ANKRD36B: variants seen among roughly 807,000 people sequenced by gnomAD.
The protein encoded by ANKRD36B is ankyrin repeat domain 36B, also known as ankyrin repeat domain-containing protein 36B.
A neutral mutation model predicts 135.7 loss-of-function variants in ANKRD36B; 37 were observed. The ratio of observed to expected loss-of-function variants is 0.27; its 90% confidence interval spans 0.21 to 0.36. ANKRD36B has a LOEUF of 0.36. Ranked by LOEUF, ANKRD36B falls within the 10% of genes least tolerant of loss-of-function variation. ANKRD36B has a pLI of 1.00. For synonymous variants in ANKRD36B, 179 were observed against 348.1 expected, an observed-to-expected ratio of 0.51 and a Z score of 5.41; for missense variants, 549 against 1,037.1, an observed-to-expected ratio of 0.53 and a Z score of 6.46.
intron 6 of ANKRD36B, among the ~76,000 whole-genome samples, chr2:97,574,265 G>A (rs1028745771): frequency 5.3e-5 from 8 of 152,146 alleles, no homozygotes; most frequent in Non-Finnish European, 8.8e-5. Context: ...AGACATTTAT[G>A]CAGCCAAAAA....
intron 14 of ANKRD36B, among the ~76,000 whole-genome samples, chr2:97,553,666 T>A (rs2080253512): frequency 6.6e-6 from 1 of 151,874 alleles, no homozygotes; most frequent in African/African-American, 2.4e-5. Flanking sequence ...TCATGACAAA[T>A]GCGATCAAAA....
At position 97,544,546 on chromosome 2, in the gene ANKRD36B, T is replaced by C. The variant is rs1175772581; in HGVS notation, c.1682-561A>G. Among the ~76,000 whole-genome samples the C allele has an allele frequency of 9.3e-5, 9 of 96,348 alleles. 3 individuals are homozygous for C. Among genetic ancestry groups the C allele is most frequent in the South Asian group, 4.7e-4 (2 of 4,286 alleles). 63.2% of individuals were successfully genotyped at this position (96,348 alleles called of 152,430 possible). Reference sequence around the variant, plus strand: ...ATGTTTGCTGAAACCTAGTAGCTAATATTCATTATTTCTCACACCCCTGTG... The same window carrying C: ...ATGTTTGCTGAAACCTAGTAGCTAACATTCATTATTTCTCACACCCCTGTG... On this transcript the variant is annotated intron_variant, in intron 24 of 43. Transcript: ENST00000359901.
chr2:97,589,041 CCCG>C (rs1165667022), intron 1 of ANKRD36B, among the ~76,000 whole-genome samples: 1 of 107,470 alleles, frequency 9.3e-6, no homozygotes, highest in Non-Finnish European at 1.9e-5. Context: ...GGTGCTCGCC[CCCG>C]CCAAGGTTTC....
Position 97,536,462 on chromosome 2 carries a change from A to G in ANKRD36B, c.2118+6T>C. 1 of 898,436 alleles carries G rather than the reference A, an allele frequency of 1.1e-6. No homozygotes were observed. The highest frequency in any genetic ancestry group is 1.3e-5 in the South Asian group (1 of 78,280). The allele number at this position is 898,436 out of a possible 1,614,324, so 55.7% of individuals were successfully genotyped here. On this transcript the variant is annotated splice_donor_region_variant and intron_variant, in intron 33 of 43. Transcript: ENST00000359901. ...TAATTAAAAATATAAATGTAAGAGT[A>G]ATTACCTTCAAGGTGCGCAGATTCT...
intron 6 of ANKRD36B, among the ~76,000 whole-genome samples, chr2:97,563,598 T>C (rs949311907): frequency 7.9e-5 from 12 of 151,994 alleles, no homozygotes; most frequent in African/African-American, 2.9e-4. Context: ...AGTTTAACAT[T>C]CATGAAGGGG....
At chr2:97,568,586 CACAA>C (rs1454438972) in intron 6 of ANKRD36B, among the ~76,000 whole-genome samples, 1 of 152,128 alleles carries the variant, frequency 6.6e-6, no homozygotes, top group African/African-American at 2.4e-5. Context: ...TTCAAAAAAA[CACAA>C]ACAGAGAAAA....
In ANKRD36B at chr2:97,551,275, T is replaced by G. The variant is rs1198979247; in HGVS notation, c.1375+14A>C. ...TGGACTGAACATGACATTAAATGTGTTTCGCAAAATTACCTGTCCTAGATA... is the reference window on the plus strand; with the variant it reads ...TGGACTGAACATGACATTAAATGTGGTTCGCAAAATTACCTGTCCTAGATA... On this transcript the variant is annotated intron_variant, in intron 18 of 43. Transcript: ENST00000359901. The G allele has an allele frequency of 6.5e-7, 1 of 1,548,084 alleles. No homozygotes were observed. Among genetic ancestry groups the G allele is most frequent in the African/African-American group, 1.4e-5 (1 of 73,248 alleles).
At chr2:97,551,415 G>A (rs775114867) in intron 17 of ANKRD36B, 37 bp downstream of exon 17, 13 of 1,605,676 alleles carry the variant, frequency 8.1e-6, no homozygotes, top group African/African-American at 8.0e-5. Flanking sequence ...TAGGCTATAC[G>A]TTTACTAGCT....
At chr2:97,530,736 G>C (rs1424630735) in intron 35 of ANKRD36B, among the ~76,000 whole-genome samples, 1 of 97,134 alleles carries the variant, frequency 1.0e-5, no homozygotes, top group Non-Finnish European at 2.7e-5. Flanking sequence ...CCATCAAAAA[G>C]TGGGCAAAGG....
At chr2:97,573,736 A>G (rs1293242660) in intron 6 of ANKRD36B, among the ~76,000 whole-genome samples, 1 of 152,202 alleles carries the variant, frequency 6.6e-6, no homozygotes, top group African/African-American at 2.4e-5. Context: ...ATAATGCTGC[A>G]TGTCTACAAC....
intron 36 of ANKRD36B, among the ~76,000 whole-genome samples, chr2:97,521,631 T>C (rs554501265): frequency 1.0e-5 from 1 of 95,922 alleles, no homozygotes; most frequent in South Asian, 2.3e-4. Context: ...ATGTTGGCAA[T>C]CAAAAAGTCT....
At chr2:97,578,209 CT>C in intron 5 of ANKRD36B, among the ~76,000 whole-genome samples, 1 of 151,946 alleles carries the variant, frequency 6.6e-6, no homozygotes, top group Admixed American at 6.6e-5. Context: ...GAAACAATGG[CT>C]GAGCATATAA....
intron 6 of ANKRD36B, among the ~76,000 whole-genome samples, chr2:97,574,268 G>A (rs2104914638): frequency 6.6e-6 from 1 of 152,234 alleles, no homozygotes; most frequent in African/African-American, 2.4e-5. Flanking sequence ...CATTTATGCA[G>A]CCAAAAAACA....
chr2:97,566,183 C>T (rs550315659), intron 6 of ANKRD36B, among the ~76,000 whole-genome samples: 17 of 151,582 alleles, frequency 1.1e-4, no homozygotes, highest in African/African-American at 2.4e-4. Context: ...TAGCTGAGTG[C>T]GGTGGCACAC....
At chr2:97,581,837 C>G (rs1035457197) in intron 3 of ANKRD36B, among the ~76,000 whole-genome samples, 11 of 152,268 alleles carry the variant, frequency 7.2e-5, no homozygotes, top group African/African-American at 2.4e-4. Flanking sequence ...GAGTCTCGCT[C>G]TGTCACCCAG....
At chr2:97,554,899 C>G (rs1039742360) in intron 14 of ANKRD36B, among the ~76,000 whole-genome samples, 161 bp downstream of exon 14, 37 of 151,886 alleles carry the variant, frequency 2.4e-4, no homozygotes, top group African/African-American at 8.9e-4. Flanking sequence ...CCAAGACCAG[C>G]AGCATCAGCA....
intron 43 of ANKRD36B, among the ~76,000 whole-genome samples, chr2:97,496,530 T>C (rs1340284622): frequency 1.5e-5 from 1 of 64,726 alleles, no homozygotes; most frequent in Non-Finnish European, 4.5e-5. Context: ...GAGAAGTCAA[T>C]GCCTGGCTTC....
At chr2:97,554,689 C>G (rs1324967258) in intron 14 of ANKRD36B, among the ~76,000 whole-genome samples, 1 of 151,952 alleles carries the variant, frequency 6.6e-6, no homozygotes, top group Non-Finnish European at 1.5e-5. Flanking sequence ...AGTTTTCCGT[C>G]TGTTTTTATC....
chr2:97,559,479 C>T (rs1426894160), intron 8 of ANKRD36B, among the ~76,000 whole-genome samples: 2 of 151,850 alleles, frequency 1.3e-5, no homozygotes, highest in Admixed American at 6.6e-5. Context: ...GTACACTTCA[C>T]GTCTCTTCGG....
Sources: allele counts gnomAD v4.1 joint callset (sites outside exome capture counted in the v4.1 genomes callset), GRCh38; gene constraint gnomAD v4.1.1; transcripts MANE v1.5; gene names NCBI Gene and HGNC (gene_info 2026-07-23, HGNC 2026-07-21).